LIAS: variants seen among roughly 807,000 people sequenced by gnomAD.
LIAS encodes the protein lipoyl synthase, mitochondrial.
In LIAS, 36 loss-of-function variants were observed where a neutral mutation model predicts 49.4. The observed-to-expected ratio is 0.73, with a 90% CI of 0.56 to 0.96. The LOEUF (loss-of-function observed/expected upper bound fraction) is 0.96, where lower values mean the gene tolerates loss of function less well. Among genes scored for constraint, LIAS ranks in the 40% least tolerant of loss-of-function variants. LIAS has a pLI of 0.00. For synonymous variants in LIAS, 145 were observed against 155.8 expected (o/e 0.93, Z 0.52); for missense variants, 399 against 456.3 (o/e 0.87, Z 1.14).
chr4:39,459,914 C>G (rs1006376208), intron 1 of LIAS, among the ~76,000 whole-genome samples: 1 of 150,448 alleles, frequency 6.6e-6, no homozygotes, highest in Non-Finnish European at 1.5e-5. Context: ...GAGCCGAGAT[C>G]GCGCAACTGC....
intron 10 of LIAS, 26 bp from the exon 11 acceptor site, chr4:39,477,037 A>C: frequency 7.1e-7 from 1 of 1,416,512 alleles, no homozygotes; most frequent in Non-Finnish European, 9.8e-7. Flanking sequence ...AATTGATATT[A>C]ATGTGTTTTC....
intron 4 of LIAS, 148 bp downstream of exon 4, chr4:39,463,753 G>T: frequency 7.5e-7 from 1 of 1,330,346 alleles, no homozygotes; most frequent in South Asian, 2.0e-5. Context: ...AAAACCTGAT[G>T]GAATAATCCA....
Position 39,459,135 on chromosome 4 carries a change from G to C in LIAS, c.18G>C (p.Gly6=). The stretch of plus-strand genomic sequence containing the variant: ...AAGAGGAAATGTCTCTACGCTGCGG[G>C]GATGCAGCCCGCACCCTGGGGCCCC... MSLRC[G]DAARTLGPRV... Residue 6 remains glycine, a synonymous_variant, in exon 1 of 11, where the codon GGG becomes GGC. Transcript: ENST00000640888. 1.9e-6 allele frequency: 3 copies of C among 1,613,966 alleles called. No individual in the cohort carries two copies. The South Asian group carries it at 3.3e-5, about 18-fold the overall frequency.
chr4:39,467,367 G>A (rs1744799042), intron 6 of LIAS, 151 bp from the exon 7 acceptor site: 3 of 549,840 alleles, frequency 5.5e-6, no homozygotes, highest in Non-Finnish European at 5.8e-6. Flanking sequence ...AATGGTTCAT[G>A]TATGAACATC....
chr4:39,474,440 TAAAATA>T (rs1195751452), intron 10 of LIAS, among the ~76,000 whole-genome samples: 1 of 150,474 alleles, frequency 6.6e-6, no homozygotes, highest in Non-Finnish European at 1.5e-5. Context: ...GTCTCAAAAA[TAAAATA>T]AAAAAAAGAA....
chr4:39,459,069 G>C lies in LIAS; in HGVS notation c.-49G>C. 2 of 1,606,000 alleles carry C rather than the reference G, an allele frequency of 1.2e-6. No individual in the cohort carries two copies. Among genetic ancestry groups the C allele is most frequent in the East Asian group, 4.5e-5 (2 of 44,832 alleles). ...CGTAATTTCGACCTGTCCTTTCCCG[G>C]GAGTTAGCGATCCCTCAACCCCTGC... On this transcript the variant is annotated 5_prime_UTR_variant, in exon 1 of 11. Transcript: ENST00000640888.
chr4:39,467,056 A>G (rs898920052), intron 6 of LIAS: 10 of 152,232 alleles, frequency 6.6e-5, no homozygotes, highest in African/African-American at 2.2e-4. Context: ...ATATTTGCCT[A>G]GAGGAAGGGA....
At position 39,477,402 on chromosome 4, in the gene LIAS, G is replaced by C. The variant is rs1578248868; in HGVS notation, c.*287G>C. 3.7e-6 allele frequency: 1 copy of C among 271,908 alleles called. No individual in the cohort carries two copies. The allele number at this position is 271,908 out of a possible 1,614,324, so 16.8% of individuals were successfully genotyped here. Reference sequence around the variant, plus strand: ...AAATTAGTCAGGCGTGGTAGTGGGTGCCTGTAATCCCAGCTACTCGGGAGG... The same window carrying C: ...AAATTAGTCAGGCGTGGTAGTGGGTCCCTGTAATCCCAGCTACTCGGGAGG... On this transcript the variant is annotated 3_prime_UTR_variant, in exon 11 of 11. Coordinates refer to ENST00000640888, the MANE Select transcript of LIAS (RefSeq NM_006859.4).
At chr4:39,474,443 A>T (rs1257025046) in intron 10 of LIAS, among the ~76,000 whole-genome samples, 1 of 151,622 alleles carries the variant, frequency 6.6e-6, no homozygotes, top group Admixed American at 6.6e-5. Context: ...TCAAAAATAA[A>T]ATAAAAAAAA....
intron 10 of LIAS, 100 bp downstream of exon 10, chr4:39,473,311 T>C: frequency 1.4e-6 from 1 of 726,304 alleles, no homozygotes; most frequent in Non-Finnish European, 2.4e-6. Context: ...CTAATACCTT[T>C]GGTGGTCTTG....
chr4:39,475,530 C>T (rs1454167811), intron 10 of LIAS: 5 of 151,608 alleles, frequency 3.3e-5, no homozygotes, highest in South Asian at 4.1e-4. Flanking sequence ...AAAATTAATG[C>T]TCCAGTATTA....
At chr4:39,468,405 C>T (rs28468510) in intron 7 of LIAS, 11,704 of 150,704 alleles carry the variant, frequency 0.078, 553 homozygotes, top group African/African-American at 0.13. Context: ...CACTTGAACT[C>T]GGGAGGCGGA....
rs1744926334 is a variant in LIAS, at chr4:39,470,081, A to C, written c.800A>C (p.Lys267Thr). 6.2e-7 allele frequency: 1 copy of C among 1,614,110 alleles called. No individual in the cohort carries two copies. The change falls in exon 8 of 11, where the codon AAG (lysine) becomes ACG (threonine). Residue 267 changes from lysine (K) to threonine (T), a missense_variant. Physicochemically the swap from Lys to Thr is moderately conservative, Grantham distance 78 (BLOSUM62 -1). Around this residue, in one of 3 missense-constraint regions of LIAS, gnomAD observed 234 missense variants for 292.2 expected, o/e 0.80. Transcript: ENST00000640888. ...QSLRVLKHAK[K>T]VQPDVISKTS... Reference sequence around the variant, plus strand: ...CTACGTGTACTGAAACATGCCAAGAAGGTTCAGCCTGATGTTATTTCTAAA... The same window carrying C: ...CTACGTGTACTGAAACATGCCAAGACGGTTCAGCCTGATGTTATTTCTAAA...
chr4:39,473,191 T>G lies in LIAS; in HGVS notation c.1046T>G (p.Val349Gly). The G allele has an allele frequency of 6.2e-7, 1 of 1,610,736 alleles. No homozygotes were observed. The highest frequency in any genetic ancestry group is 8.5e-7 in the Non-Finnish European group (1 of 1,176,916). Residue 349 changes from valine to glycine, a missense_variant, in exon 10 of 11, where the codon GTG becomes GGG. Val to Gly is a moderately radical substitution (Grantham distance 109, BLOSUM62 -3). Coordinates refer to ENST00000640888, the MANE Select transcript of LIAS (RefSeq NM_006859.4). The part of the protein sequence containing the change: ...GFHYTASGPL[V>G]RSSYKAGEFF... ...CATTATACTGCAAGTGGCCCTTTGG[T>G]GCGTTCTTCATATAAAGCAGGTAAG... is the stretch of plus-strand genomic sequence containing the variant.
At chr4:39,460,643 A>T in intron 1 of LIAS, 147 bp from the exon 2 acceptor site, 1 of 552,216 alleles carries the variant, frequency 1.8e-6, no homozygotes, top group South Asian at 4.1e-5. Context: ...TTTATATTCT[A>T]ATGCCCTAGA....
chr4:39,472,162 AT>A (rs1284432825), intron 9 of LIAS, among the ~76,000 whole-genome samples: 7 of 152,084 alleles, frequency 4.6e-5, no homozygotes, highest in African/African-American at 1.7e-4. Flanking sequence ...TACACATCTT[AT>A]TCTTATGATA....
intron 9 of LIAS, among the ~76,000 whole-genome samples, chr4:39,472,073 T>TTA (rs1491171668): frequency 2.6e-5 from 4 of 151,706 alleles, no homozygotes; most frequent in South Asian, 2.1e-4. Flanking sequence ...TTACATGTAC[T>TTA]TATATATATA....
At chr4:39,474,145 C>A (rs933393319) in intron 10 of LIAS, among the ~76,000 whole-genome samples, 12 of 151,976 alleles carry the variant, frequency 7.9e-5, no homozygotes, top group Admixed American at 7.9e-4. Flanking sequence ...CACCTGCAGT[C>A]CCAGCTACTC....
At chr4:39,473,666 TA>T (rs1160019386) in intron 10 of LIAS, 1 of 152,336 alleles carries the variant, frequency 6.6e-6, no homozygotes, top group Non-Finnish European at 1.5e-5. Context: ...CTTGCATCAT[TA>T]AATTTCTTTG....
Sources: gnomAD v4.1 joint callset for allele counts (sites outside exome capture counted in the v4.1 genomes callset) on GRCh38, gnomAD v4.1.1 for gene constraint, gnomAD v4.1.1 regional missense constraint, MANE v1.5 for transcripts, NCBI Gene and HGNC (gene_info 2026-07-23, HGNC 2026-07-21) for gene names.